SEPTIN9: variants seen among roughly 807,000 people sequenced by gnomAD.
SEPTIN9 encodes the protein septin 9, also known as septin-9.
A neutral mutation model predicts 56.6 loss-of-function variants in SEPTIN9; 13 were observed. The observed-to-expected ratio is 0.23, with a 90% confidence interval of 0.15 to 0.37. The LOEUF (loss-of-function observed/expected upper bound fraction) is 0.37, where lower values mean the gene tolerates loss of function less well. Ranked by LOEUF, SEPTIN9 falls within the 10% of genes least tolerant of loss-of-function variation. The pLI, the probability that SEPTIN9 is intolerant of heterozygous loss-of-function variation, is 1.00. For missense variants in SEPTIN9, 650 were observed against 823.1 expected (o/e 0.79, Z 2.57); for synonymous variants, 332 against 334.1 (o/e 0.99, Z 0.07).
At chr17:77,489,650 A>G (rs2039942899) in intron 7 of SEPTIN9, among the ~76,000 whole-genome samples, 1 of 152,290 alleles carries the variant, frequency 6.6e-6, no homozygotes, top group East Asian at 1.9e-4. Context: ...GAGGAAGCCC[A>G]GGGGTTTGGG....
chr17:77,417,717 G>A (rs185241533), intron 3 of SEPTIN9, among the ~76,000 whole-genome samples: 9 of 152,318 alleles, frequency 5.9e-5, no homozygotes, highest in Admixed American at 5.2e-4. Context: ...AATGTTTGCC[G>A]TCTTTTCTGT....
At position 77,319,779 on chromosome 17, in the gene SEPTIN9, T is replaced by G; in HGVS notation, c.76+12582T>G. 3.7e-6 allele frequency: 4 copies of G among 1,073,870 alleles called. No individual in the cohort carries two copies. Among genetic ancestry groups the G allele is most frequent in the Non-Finnish European group, 4.5e-6 (4 of 883,682 alleles). The allele number at this position is 1,073,870 out of a possible 1,614,324, so 66.5% of individuals were successfully genotyped here. ...GCGGGACAGGGAAAATGAAAGACTTTGGAAGTCGTCAGGAATTTGACTCTG... is the reference window on the plus strand; with the variant it reads ...GCGGGACAGGGAAAATGAAAGACTTGGGAAGTCGTCAGGAATTTGACTCTG... On this transcript the variant is annotated intron_variant, in intron 2 of 11. Transcript: ENST00000427177. The surrounding 1 kb of genome is among the most constrained non-coding windows in gnomAD (Gnocchi z 5.3).
chr17:77,331,801 C>T (rs1202779665), intron 2 of SEPTIN9, among the ~76,000 whole-genome samples: 3 of 152,042 alleles, frequency 2.0e-5, no homozygotes, highest in South Asian at 2.1e-4. Flanking sequence ...ACGGGGGGCC[C>T]GAGCCCTTGG....
intron 1 of SEPTIN9, among the ~76,000 whole-genome samples, chr17:77,297,421 A>G (rs2031867057): frequency 6.6e-6 from 1 of 152,110 alleles, no homozygotes; most frequent in Admixed American, 6.6e-5. Context: ...TCAGCCCACC[A>G]ACTCACATGC....
In SEPTIN9 at chr17:77,471,979, A is replaced by G. The variant is rs186029128; in HGVS notation, c.722-10165A>G. Reference sequence around the variant, plus strand: ...TATAAAATAGCCCCCCCCACCACACACCGCACCAGAAGTCAGAGGATTCAT... The same window carrying G: ...TATAAAATAGCCCCCCCCACCACACGCCGCACCAGAAGTCAGAGGATTCAT... On this transcript the variant is annotated intron_variant, in intron 3 of 11. Coordinates refer to ENST00000427177, the MANE Select transcript of SEPTIN9 (RefSeq NM_001113491.2). Among the ~76,000 whole-genome samples the G allele has an allele frequency of 1.3e-4, 20 of 151,996 alleles. No individual in the cohort carries two copies. In the South Asian group the frequency reaches 1.7e-3, roughly 13 times the overall value.
chr17:77,425,230 C>G lies in SEPTIN9; in HGVS notation c.721+22527C>G, dbSNP rs1254810564. Among the ~76,000 whole-genome samples the G allele has an allele frequency of 6.6e-6, 1 of 152,128 alleles. No homozygotes were observed. The highest frequency in any genetic ancestry group is 2.1e-4 in the South Asian group (1 of 4,828). ...CGTGCGGGCTGGGGACTGAGAGTGC[C>G]GGAGGAGGGCCTCCCAGGAAAACCC... is the stretch of plus-strand genomic sequence containing the variant. On this transcript the variant is annotated intron_variant, in intron 3 of 11. Transcript: ENST00000427177. The surrounding 1 kb of genome is among the most constrained non-coding windows in gnomAD (Gnocchi z 4.2).
chr17:77,457,079 C>G (rs1410206161), intron 3 of SEPTIN9, among the ~76,000 whole-genome samples: 1 of 152,210 alleles, frequency 6.6e-6, no homozygotes, highest in African/African-American at 2.4e-5. Context: ...ACACCTGGGT[C>G]CAGCCTTTGC....
At chr17:77,430,142 C>T (rs1181106080) in intron 3 of SEPTIN9, among the ~76,000 whole-genome samples, 1 of 152,066 alleles carries the variant, frequency 6.6e-6, no homozygotes, top group Non-Finnish European at 1.5e-5. Flanking sequence ...TGGGGCTGCC[C>T]TCCCAGCCCC....
intron 3 of SEPTIN9, among the ~76,000 whole-genome samples, chr17:77,468,827 G>A (rs1486774643): frequency 6.9e-6 from 1 of 145,160 alleles, no homozygotes; most frequent in Admixed American, 6.7e-5. Flanking sequence ...GTGGCTGTGA[G>A]ATGTGTTGGG....
chr17:77,285,393 C>G (rs1480961550), intron 1 of SEPTIN9, among the ~76,000 whole-genome samples: 1 of 151,972 alleles, frequency 6.6e-6, no homozygotes, highest in Non-Finnish European at 1.5e-5. Flanking sequence ...TCTGGAGATT[C>G]TTTTTTTATT....
chr17:77,329,108 CGGGCCTTG>C lies in SEPTIN9; in HGVS notation c.76+21913_76+21920del, dbSNP rs1289431219. Among the ~76,000 whole-genome samples the C allele has an allele frequency of 6.6e-6, 1 of 152,188 alleles. No individual in the cohort carries two copies. Among genetic ancestry groups the C allele is most frequent in the Non-Finnish European group, 1.5e-5 (1 of 68,030 alleles). On this transcript the variant is annotated intron_variant, in intron 2 of 11. Transcript: ENST00000427177. The surrounding 1 kb of genome is among the most constrained non-coding windows in gnomAD (Gnocchi z 4.3). The stretch of plus-strand genomic sequence containing the variant: ...TGCGACAGGCAGGGCCAGGTCGTGC[CGGGCCTTG>C]GAGGCCCTGGTGAGGGCTTGATTTT...
rs1360762495 is a variant in SEPTIN9, at chr17:77,371,818, G to C, written c.77-30241G>C. ...CCCATGTCCACAAACTCACTTGGTT[G>C]AAAATAGTTCAAAATATCCAAAGCA... On this transcript the variant is annotated intron_variant, in intron 2 of 11. Transcript: ENST00000427177. The surrounding 1 kb of genome is among the most constrained non-coding windows in gnomAD (Gnocchi z 4.1). Among the ~76,000 whole-genome samples, 1 of 152,204 alleles carries C rather than the reference G, an allele frequency of 6.6e-6. No individual in the cohort carries two copies. Among genetic ancestry groups the C allele is most frequent in the African/African-American group, 2.4e-5 (1 of 41,446 alleles).
chr17:77,488,568 C>T (rs1030178200), intron 6 of SEPTIN9, among the ~76,000 whole-genome samples, 159 bp from the exon 7 acceptor site: 1 of 152,116 alleles, frequency 6.6e-6, no homozygotes, highest in Non-Finnish European at 1.5e-5. Flanking sequence ...TTTGGGAGGC[C>T]GAGGGTAAGG....
intron 2 of SEPTIN9, among the ~76,000 whole-genome samples, chr17:77,391,956 C>T (rs1208662328): frequency 1.3e-5 from 2 of 152,244 alleles, no homozygotes; most frequent in Non-Finnish European, 2.9e-5. Flanking sequence ...TGTGTTCCAT[C>T]TTACAGGGAC....
chr17:77,284,157 C>T (rs113368568), intron 1 of SEPTIN9, among the ~76,000 whole-genome samples: 6 of 123,958 alleles, frequency 4.8e-5, no homozygotes, highest in South Asian at 2.3e-4. Context: ...GGCTGAGACA[C>T]GAGGATCGCT....
chr17:77,287,419 C>G (rs200223752), intron 1 of SEPTIN9, among the ~76,000 whole-genome samples: 3 of 152,212 alleles, frequency 2.0e-5, no homozygotes, highest in East Asian at 1.9e-4. Context: ...GTGAGCTGCC[C>G]GTCTCCCTGA....
chr17:77,484,532 G>C (rs1240899510), intron 4 of SEPTIN9, among the ~76,000 whole-genome samples: 1 of 146,334 alleles, frequency 6.8e-6, no homozygotes, highest in Non-Finnish European at 1.5e-5. Flanking sequence ...AATTGTGATG[G>C]TGGTGGTGGT....
chr17:77,338,996 C>T (rs2143746915), intron 2 of SEPTIN9, among the ~76,000 whole-genome samples: 1 of 152,312 alleles, frequency 6.6e-6, no homozygotes, highest in South Asian at 2.1e-4. Flanking sequence ...GAAGCAACTC[C>T]TCATCTGTTC....
Position 77,425,955 on chromosome 17 carries a change from T to C in SEPTIN9, c.721+23252T>C, listed in dbSNP as rs2036891903. Among the ~76,000 whole-genome samples the C allele has an allele frequency of 6.6e-6, 1 of 152,080 alleles. No homozygotes were observed. The highest frequency in any genetic ancestry group is 2.1e-4 in the South Asian group (1 of 4,836). On this transcript the variant is annotated intron_variant, in intron 3 of 11. Transcript: ENST00000427177. This position sits in a 1 kb window ranked among gnomAD's most constrained non-coding sequence, Gnocchi z 4.2. Reference sequence around the variant, plus strand: ...AGGGCCCTGTGCAGAGGGGAGTGTGTGCGGCTGTGAGTTCAGGCCATGCCC... The same window carrying C: ...AGGGCCCTGTGCAGAGGGGAGTGTGCGCGGCTGTGAGTTCAGGCCATGCCC...
Sources: gnomAD v4.1 joint callset for allele counts (sites outside exome capture counted in the v4.1 genomes callset) on GRCh38, gnomAD v4.1.1 for gene constraint, Gnocchi (gnomAD v3.1) non-coding constraint, MANE v1.5 for transcripts, NCBI Gene and HGNC (gene_info 2026-07-23, HGNC 2026-07-21) for gene names.